The following ARMH4 variants were observed in gnomAD, a reference collection of about 807,000 sequenced individuals.
The protein encoded by ARMH4 is armadillo-like helical domain-containing protein 4.
In ARMH4, 49 loss-of-function variants were observed where a neutral mutation model predicts 61.9. That is an observed-to-expected ratio of 0.79 (90% CI 0.63 to 1.00). The LOEUF is 1.00. ARMH4 is among the 50% of genes least tolerant of loss of function. The probability of loss-of-function intolerance (pLI) is 0.00; values close to 1 mark genes in which losing one functional copy is unlikely to be tolerated. For missense variants in ARMH4, 934 were observed against 930.0 expected (o/e 1.00, Z -0.06); for synonymous variants, 368 against 341.5 (o/e 1.08, Z -0.85).
At chr14:58,058,752 T>C (rs1884428845) in intron 5 of ARMH4, among the ~76,000 whole-genome samples, 1 of 152,264 alleles carries the variant, frequency 6.6e-6, no homozygotes, top group African/African-American at 2.4e-5. Flanking sequence ...CAGCAAGGTC[T>C]CTGTGACCTG....
In ARMH4 at chr14:58,102,283, A is replaced by C. The variant is rs181854879; in HGVS notation, c.1832-5302T>G. 5.5e-3 allele frequency among the ~76,000 whole-genome samples: 836 copies of C among 152,198 alleles called. 14 individuals carry two copies. The highest frequency in any genetic ancestry group is 0.019 in the African/African-American group (792 of 41,522). Reference sequence around the variant, plus strand: ...ATGGCAGGAGTCCCAGGAGAGAAGAACCATGGTGGTGCAGTGATAGTGGAA... The same window carrying C: ...ATGGCAGGAGTCCCAGGAGAGAAGACCCATGGTGGTGCAGTGATAGTGGAA... On this transcript the variant is annotated intron_variant, in intron 4 of 7. Transcript: ENST00000267485.
At chr14:58,072,980 T>C (rs1884933822) in intron 5 of ARMH4, among the ~76,000 whole-genome samples, 1 of 152,194 alleles carries the variant, frequency 6.6e-6, no homozygotes, top group Non-Finnish European at 1.5e-5. Flanking sequence ...GAGCCCTAAA[T>C]AGCAACTTCT....
At chr14:58,040,085 C>G (rs10129350) in intron 5 of ARMH4, among the ~76,000 whole-genome samples, 2,565 of 152,128 alleles carry the variant, frequency 0.017, 82 homozygotes, top group African/African-American at 0.057. Context: ...AGAAAAAACA[C>G]AAGTATGAAG....
chr14:58,022,347 T>C (rs1438300867), intron 5 of ARMH4, among the ~76,000 whole-genome samples: 1 of 152,134 alleles, frequency 6.6e-6, no homozygotes, highest in Non-Finnish European at 1.5e-5. Flanking sequence ...TCTCCCCATC[T>C]CCAGGTCCTT....
chr14:58,082,965 T>G (rs1885273446), intron 5 of ARMH4, among the ~76,000 whole-genome samples: 1 of 152,234 alleles, frequency 6.6e-6, no homozygotes, highest in South Asian at 2.1e-4. Flanking sequence ...TCTAGGCTGA[T>G]GAGTCCCAGG....
At chr14:58,113,259 C>A (rs1055085850) in intron 4 of ARMH4, among the ~76,000 whole-genome samples, 12 of 152,174 alleles carry the variant, frequency 7.9e-5, no homozygotes, top group Non-Finnish European at 1.3e-4. Context: ...TCTTTCACTG[C>A]AAGATCAACC....
At chr14:58,123,260 T>C (rs538987350) in intron 4 of ARMH4, among the ~76,000 whole-genome samples, 6 of 152,252 alleles carry the variant, frequency 3.9e-5, no homozygotes, top group African/African-American at 1.4e-4. Context: ...ATCCCCTGCT[T>C]GAGGAAGGAA....
intron 5 of ARMH4, among the ~76,000 whole-genome samples, chr14:58,046,196 G>A (rs1883935658): frequency 6.6e-6 from 1 of 152,116 alleles, no homozygotes; most frequent in South Asian, 2.1e-4. Flanking sequence ...AAATCCCACG[G>A]TAATGGACCA....
At chr14:58,083,348 G>A (rs1205962984) in intron 5 of ARMH4, among the ~76,000 whole-genome samples, 1 of 152,260 alleles carries the variant, frequency 6.6e-6, no homozygotes, top group Non-Finnish European at 1.5e-5. Context: ...GGGAGGCTAA[G>A]GCAGGTAGAT....
chr14:58,054,187 G>C (rs1335193396), intron 5 of ARMH4, among the ~76,000 whole-genome samples: 8 of 152,186 alleles, frequency 5.3e-5, no homozygotes, highest in African/African-American at 1.9e-4. Context: ...GAGCACATGA[G>C]TGATGGCAAG....
In ARMH4 at chr14:58,027,425, GATCT is replaced by G. The variant is rs149387521; in HGVS notation, c.2090-15279_2090-15276del. ...TTTCATTTTCTAATTTAGAACATAA[GATCT>G]ATTAGTTACATGTTCAGGGAGGACA... On this transcript the variant is annotated intron_variant, in intron 5 of 7. Coordinates refer to ENST00000267485, the MANE Select transcript of ARMH4 (RefSeq NM_001001872.4). Among the ~76,000 whole-genome samples, 740 of 152,274 alleles carry G rather than the reference GATCT, an allele frequency of 4.9e-3. 4 individuals are homozygous for G. Among genetic ancestry groups the G allele is most frequent in the Middle Eastern group, 0.024 (7 of 294 alleles).
intron 5 of ARMH4, among the ~76,000 whole-genome samples, chr14:58,039,832 G>A (rs1174162313): frequency 6.6e-6 from 1 of 152,174 alleles, no homozygotes; most frequent in South Asian, 2.1e-4. Context: ...CTGGATAGCT[G>A]GGTATCATGT....
chr14:58,140,180 C>T (rs1314798495), intron 1 of ARMH4, among the ~76,000 whole-genome samples: 4 of 150,036 alleles, frequency 2.7e-5, no homozygotes, highest in African/African-American at 7.4e-5. Flanking sequence ...GAGACTGAGG[C>T]GAGAGAATCG....
chr14:58,019,936 G>A (rs759479893), intron 5 of ARMH4, among the ~76,000 whole-genome samples: 47 of 152,044 alleles, frequency 3.1e-4, no homozygotes, highest in Non-Finnish European at 5.6e-4. Flanking sequence ...TTTATTTCCA[G>A]TGACAAAGTT....
At position 58,132,581 on chromosome 14, in the gene ARMH4, C is replaced by CTTTTTTTTTTT. The variant is rs71448942; in HGVS notation, c.1621+498_1621+508dup. Among the ~76,000 whole-genome samples, 34 of 86,074 alleles carry CTTTTTTTTTTT rather than the reference C, an allele frequency of 4.0e-4. 2 individuals are homozygous for CTTTTTTTTTTT. The highest frequency in any genetic ancestry group is 6.9e-4 in the Non-Finnish European group (30 of 43,262). The allele number at this position is 86,074 out of a possible 152,430, so 56.5% of individuals were successfully genotyped here. A position where few individuals can be genotyped will look rare whatever the true frequency, so the allele number is the denominator to read the frequency against. ...TTACTTACAAACTAAACCCTTGTCC[C>CTTTTTTTTTTT]TTTTTTTTTTTTTTTTTTTTTTTGG... On this transcript the variant is annotated intron_variant, in intron 3 of 7. Coordinates refer to ENST00000267485, the MANE Select transcript of ARMH4 (RefSeq NM_001001872.4).
intron 5 of ARMH4, among the ~76,000 whole-genome samples, chr14:58,013,980 C>A (rs1887335911): frequency 6.6e-6 from 1 of 151,944 alleles, no homozygotes. Flanking sequence ...GCCAAGGGCA[C>A]ACCACTGCAC....
At chr14:58,066,238 T>G (rs977890296) in intron 5 of ARMH4, among the ~76,000 whole-genome samples, 2 of 152,252 alleles carry the variant, frequency 1.3e-5, no homozygotes, top group African/African-American at 4.8e-5. Flanking sequence ...TCTCAGCATG[T>G]ATAAACATGT....
rs147931677 is a variant in ARMH4, at chr14:58,026,039, T to C, written c.2090-13889A>G. On this transcript the variant is annotated intron_variant, in intron 5 of 7. Coordinates refer to ENST00000267485, the MANE Select transcript of ARMH4 (RefSeq NM_001001872.4). Reference sequence around the variant, plus strand: ...TTTAGGAATGATACTAGATACCTAGTGGGAAGATGCAAAGAGAACGTCCTG... The same window carrying C: ...TTTAGGAATGATACTAGATACCTAGCGGGAAGATGCAAAGAGAACGTCCTG... Among the ~76,000 whole-genome samples, 717 of 151,936 alleles carry C rather than the reference T, an allele frequency of 4.7e-3. 14 individuals carry two copies. Among genetic ancestry groups the C allele is most frequent in the African/African-American group, 0.017 (690 of 41,454 alleles).
At chr14:58,016,462 T>C (rs1331749849) in intron 5 of ARMH4, among the ~76,000 whole-genome samples, 1 of 152,208 alleles carries the variant, frequency 6.6e-6, no homozygotes, top group Non-Finnish European at 1.5e-5. Flanking sequence ...TCAATTCAGT[T>C]GATTGATTAA....
Sources: allele counts gnomAD v4.1 joint callset (sites outside exome capture counted in the v4.1 genomes callset), GRCh38; gene constraint gnomAD v4.1.1; transcripts MANE v1.5; gene names NCBI Gene and HGNC (gene_info 2026-07-23, HGNC 2026-07-21).